The following ZNF106 variants were observed in gnomAD, a reference collection of about 807,000 sequenced individuals.
ZNF106 encodes zinc finger protein 106, also known as SH3-domain binding protein 3.
ZNF106 carries 67 observed loss-of-function variants against 195.1 expected under a neutral mutation model. The ratio of observed to expected loss-of-function variants is 0.34; its 90% confidence interval spans 0.28 to 0.42. The LOEUF is 0.42. ZNF106 is among the 10% of genes least tolerant of loss of function. ZNF106 has a pLI of 1.00. For synonymous variants in ZNF106, 784 were observed against 818.6 expected (o/e 0.96, Z 0.72); for missense variants, 2,118 against 2,304.5 (o/e 0.92, Z 1.66).
At chr15:42,423,855 C>T (rs775670319) in intron 17 of ZNF106, 143 bp downstream of exon 17, 2 of 663,032 alleles carry the variant, frequency 3.0e-6, no homozygotes, top group Non-Finnish European at 4.8e-6. Flanking sequence ...ACAATATTAT[C>T]CAAGAGCATA....
chr15:42,463,046 G>A (rs2056429705), intron 3 of ZNF106, among the ~76,000 whole-genome samples: 1 of 151,592 alleles, frequency 6.6e-6, no homozygotes, highest in East Asian at 1.9e-4. Context: ...TGATTCTCCT[G>A]TCTTAGCCTC....
chr15:42,479,799 G>A (rs1324894616), intron 1 of ZNF106, among the ~76,000 whole-genome samples: 1 of 152,026 alleles, frequency 6.6e-6, no homozygotes, highest in African/African-American at 2.4e-5. Flanking sequence ...CTGAGATAGC[G>A]CCACTTCATT....
intron 1 of ZNF106, among the ~76,000 whole-genome samples, chr15:42,486,458 G>A (rs915962246): frequency 7.9e-5 from 12 of 151,942 alleles, no homozygotes; most frequent in African/African-American, 2.2e-4. Context: ...ACAGGGTCTC[G>A]CTTTGAAGCC....
chr15:42,453,877 G>A (rs1048847665), intron 4 of ZNF106, among the ~76,000 whole-genome samples: 4 of 151,948 alleles, frequency 2.6e-5, no homozygotes, highest in Admixed American at 2.0e-4. Context: ...TACAGGCATG[G>A]CATGTATTCT....
At position 42,442,089 on chromosome 15, in the gene ZNF106, T is replaced by C. The variant is rs529356123; in HGVS notation, c.3747A>G (p.Glu1249=). ...PPSSACNVSK[E]LLEANREISD... ...CTTACATACTATTAGCTTCCAGTAATTCCTTGGACACATTGCAGGCAGAGC... is the reference window on the plus strand; with the variant it reads ...CTTACATACTATTAGCTTCCAGTAACTCCTTGGACACATTGCAGGCAGAGC... The change falls in exon 10 of 22, where the codon GAA becomes GAG. Residue 1249 remains glutamate, a synonymous_variant. Transcript: ENST00000564754. 2.2e-5 allele frequency: 36 copies of C among 1,610,616 alleles called. 1 individual carries two copies. In the Admixed American group the frequency reaches 5.5e-4, roughly 25 times the overall value.
chr15:42,439,063 C>T lies in ZNF106; in HGVS notation c.4514G>A (p.Gly1505Asp). The T allele has an allele frequency of 3.7e-6, 6 of 1,613,744 alleles. No individual in the cohort carries two copies. Among genetic ancestry groups the T allele is most frequent in the Non-Finnish European group, 3.4e-6 (4 of 1,179,834 alleles). Reference protein sequence around the residue: ...CDEVSSTSEIGTRYKDGIPVS... With the variant: ...CDEVSSTSEIDTRYKDGIPVS... ...AGGGATGCCATCTTTATAGCGAGTG[C>T]CAATTTCACTGGTAGAGCTAACTTC... is the stretch of plus-strand genomic sequence containing the variant. The change falls in exon 11 of 22, where the codon GGC becomes GAC. Residue 1505 changes from glycine (G) to aspartate (D), a missense_variant. Physicochemically the swap from Gly to Asp is moderately conservative, Grantham distance 94 (BLOSUM62 -1). Transcript: ENST00000564754.
chr15:42,437,228 T>C lies in ZNF106; in HGVS notation c.4746+4A>G. ...AAAACATTCTACATGTTCTATCAACTTACCACCAGATTATAAACCCGAACA... is the reference window on the plus strand; with the variant it reads ...AAAACATTCTACATGTTCTATCAACCTACCACCAGATTATAAACCCGAACA... On this transcript the variant is annotated splice_donor_region_variant and intron_variant, in intron 13 of 21. Coordinates refer to ENST00000564754, the MANE Select transcript of ZNF106 (RefSeq NM_001366845.3). 6.2e-7 allele frequency: 1 copy of C among 1,609,694 alleles called. No individual in the cohort carries two copies. Among genetic ancestry groups the C allele is most frequent in the Non-Finnish European group, 8.5e-7 (1 of 1,178,228 alleles).
intron 3 of ZNF106, among the ~76,000 whole-genome samples, chr15:42,464,782 A>C (rs920804636): frequency 2.0e-5 from 3 of 152,036 alleles, no homozygotes; most frequent in African/African-American, 7.2e-5. Flanking sequence ...AATTGCAATA[A>C]TCCTCACATC....
chr15:42,420,838 C>CT (rs2054627471), intron 20 of ZNF106, among the ~76,000 whole-genome samples: 1 of 152,076 alleles, frequency 6.6e-6, no homozygotes, highest in South Asian at 2.1e-4. Flanking sequence ...AGCACTTCCG[C>CT]TTTTTATTTC....
Position 42,418,558 on chromosome 15 carries a change from T to TTTTTC in ZNF106, c.5518-608_5518-607insGAAAA, listed in dbSNP as rs1256860572. On this transcript the variant is annotated intron_variant, in intron 20 of 21. Transcript: ENST00000564754. ...TTTTTTTTTTTTTTTTTTTTTTTTT[T>TTTTTC]AGTAAAGACAGGGTTTCACCATGTT... 7.8e-3 allele frequency among the ~76,000 whole-genome samples: 1,102 copies of TTTTTC among 141,206 alleles called. 53 individuals carry two copies. The highest frequency in any genetic ancestry group is 0.058 in the Admixed American group (771 of 13,200). The allele number at this position is 141,206 out of a possible 152,430, so 92.6% of individuals were successfully genotyped here.
chr15:42,458,880 C>T (rs1236310950), intron 3 of ZNF106, among the ~76,000 whole-genome samples: 2 of 151,224 alleles, frequency 1.3e-5, no homozygotes, highest in Non-Finnish European at 2.9e-5. Flanking sequence ...TTTAGGGTGA[C>T]AAAGTTTAAA....
intron 2 of ZNF106, among the ~76,000 whole-genome samples, chr15:42,468,168 A>G (rs1341422488): frequency 1.5e-5 from 2 of 137,806 alleles, no homozygotes; most frequent in Admixed American, 1.6e-4. Flanking sequence ...CTCTGCCTCC[A>G]GGGTTTCAAG....
In ZNF106 at chr15:42,451,442, CAGTT is replaced by C. The variant is rs1399420298; in HGVS notation, c.826_829del (p.Asn276ValfsTer6). ...TAGCATAGTCATGTCTTCCATTTGACAGTTAGAATTTCTGTTTCTGCCTGGTTGA... is the reference window on the plus strand; with the variant it reads ...TAGCATAGTCATGTCTTCCATTTGACAGAATTTCTGTTTCTGCCTGGTTGA... On this transcript the variant is annotated frameshift_variant, in exon 5 of 22. Transcript: ENST00000564754. LOFTEE classifies it high-confidence loss of function. 2 of 1,614,072 alleles carry C rather than the reference CAGTT, an allele frequency of 1.2e-6. No individual in the cohort carries two copies. Among genetic ancestry groups the C allele is most frequent in the Non-Finnish European group, 8.5e-7 (1 of 1,180,040 alleles).
rs1444328015 is a variant in ZNF106, at chr15:42,444,809, T to C, written c.3360+18A>G. The stretch of plus-strand genomic sequence containing the variant: ...TCGGAGATGATCCATTTTTATTAAA[T>C]CCTCCACATGCTGTTACCTGCTGCT... On this transcript the variant is annotated intron_variant, in intron 8 of 21. Transcript: ENST00000564754. 1 of 1,611,376 alleles carries C rather than the reference T, an allele frequency of 6.2e-7. No individual in the cohort carries two copies. The highest frequency in any genetic ancestry group is 8.5e-7 in the Non-Finnish European group (1 of 1,179,038).
In ZNF106 at chr15:42,417,022, C is replaced by T. The variant is rs1346330765; in HGVS notation, c.*282G>A. 2.6e-5 allele frequency: 8 copies of T among 303,822 alleles called. No individual in the cohort carries two copies. The highest frequency in any genetic ancestry group is 1.5e-4 in the African/African-American group (7 of 46,252). The allele number at this position is 303,822 out of a possible 1,614,324, so 18.8% of individuals were successfully genotyped here. A position where few individuals can be genotyped will look rare whatever the true frequency, so the allele number is the denominator to read the frequency against. On this transcript the variant is annotated 3_prime_UTR_variant, in exon 22 of 22. Transcript: ENST00000564754. Reference sequence around the variant, plus strand: ...AATTAGGATCTGTATCTTCAATAAACATCTGGAGAACGCAAATAGCATATA... The same window carrying T: ...AATTAGGATCTGTATCTTCAATAAATATCTGGAGAACGCAAATAGCATATA...
At chr15:42,448,841 A>C (rs1478853480) in intron 5 of ZNF106, 136 bp from the exon 6 acceptor site, 12 of 776,774 alleles carry the variant, frequency 1.5e-5, no homozygotes, top group Non-Finnish European at 2.4e-5. Context: ...AGGGGCTCAC[A>C]GTCTAGTCAG....
chr15:42,448,811 T>A, intron 5 of ZNF106, 106 bp from the exon 6 acceptor site: 1 of 1,220,126 alleles, frequency 8.2e-7, no homozygotes, highest in African/African-American at 1.5e-5. Context: ...TTATAAAAAG[T>A]AAGGTGGCTC....
intron 1 of ZNF106, among the ~76,000 whole-genome samples, chr15:42,472,669 A>G (rs1482086103): frequency 4.6e-5 from 7 of 152,162 alleles, no homozygotes; most frequent in Admixed American, 2.6e-4. Flanking sequence ...TTCTCAAAAC[A>G]GTGTTTTGAG....
chr15:42,424,116 T>C (rs1416784245), intron 16 of ZNF106, 56 bp from the exon 17 acceptor site: 13 of 1,475,290 alleles, frequency 8.8e-6, no homozygotes, highest in Non-Finnish European at 1.1e-5. Flanking sequence ...ATTTTCTCTA[T>C]AACTTGTAAT....
Sources: gnomAD v4.1 joint callset for allele counts (sites outside exome capture counted in the v4.1 genomes callset) on GRCh38, gnomAD v4.1.1 for gene constraint, MANE v1.5 for transcripts, NCBI Gene and HGNC (gene_info 2026-07-23, HGNC 2026-07-21) for gene names.